The following SLC39A11 variants were observed in gnomAD, a reference collection of about 807,000 sequenced individuals.
The protein encoded by SLC39A11 is zinc transporter ZIP11.
SLC39A11 carries 33 observed loss-of-function variants against 36.1 expected under a neutral mutation model. The observed-to-expected ratio is 0.91, with a 90% CI of 0.69 to 1.22. SLC39A11 has a LOEUF of 1.22. Among genes scored for constraint, SLC39A11 ranks in the 50% most tolerant of loss-of-function variants. The pLI is 0.00. For synonymous variants in SLC39A11, 166 were observed against 170.3 expected, an observed-to-expected ratio of 0.97 and a Z score of 0.20; for missense variants, 432 against 430.3, an observed-to-expected ratio of 1.00 and a Z score of -0.03.
intron 4 of SLC39A11, among the ~76,000 whole-genome samples, chr17:72,997,003 C>T (rs1168490011): frequency 6.6e-6 from 1 of 152,116 alleles, no homozygotes; most frequent in Non-Finnish European, 1.5e-5. Flanking sequence ...TCCCCACGAC[C>T]ATCTGCAGTC....
At chr17:72,893,819 T>C (rs2081887715) in intron 5 of SLC39A11, among the ~76,000 whole-genome samples, 1 of 152,222 alleles carries the variant, frequency 6.6e-6, no homozygotes, top group Non-Finnish European at 1.5e-5. Context: ...ATAAGTCCCA[T>C]TGTTGGAGAG....
At chr17:72,868,617 AC>A (rs2080433109) in intron 5 of SLC39A11, among the ~76,000 whole-genome samples, 4 of 86,838 alleles carry the variant, frequency 4.6e-5, no homozygotes, top group African/African-American at 1.5e-4. Context: ...CCCTGTCTCT[AC>A]AAAAAAAAAA....
intron 6 of SLC39A11, among the ~76,000 whole-genome samples, chr17:72,844,024 A>C (rs761944396): frequency 6.6e-6 from 1 of 151,482 alleles, no homozygotes; most frequent in Non-Finnish European, 1.5e-5. Flanking sequence ...AAAGACAAAA[A>C]ACTTCAAAAA....
chr17:72,911,757 C>T (rs1351348666), intron 5 of SLC39A11, among the ~76,000 whole-genome samples: 1 of 152,196 alleles, frequency 6.6e-6, no homozygotes, highest in Non-Finnish European at 1.5e-5. Context: ...AATTCTACCA[C>T]CTCAGCCTCC....
At chr17:72,840,979 T>C (rs536453736) in intron 6 of SLC39A11, among the ~76,000 whole-genome samples, 8 of 152,124 alleles carry the variant, frequency 5.3e-5, no homozygotes, top group African/African-American at 1.9e-4. Context: ...GGTGTGAACC[T>C]GGGAGACGGA....
intron 7 of SLC39A11, among the ~76,000 whole-genome samples, chr17:72,657,623 A>C (rs1197020335): frequency 1.3e-5 from 2 of 152,168 alleles, no homozygotes; most frequent in Non-Finnish European, 2.9e-5. Context: ...CCAGGGACTG[A>C]GGGGTTTCCC....
intron 5 of SLC39A11, among the ~76,000 whole-genome samples, chr17:72,898,761 C>T (rs2082159476): frequency 6.6e-6 from 1 of 152,242 alleles, no homozygotes; most frequent in South Asian, 2.1e-4. Context: ...CACACACGTG[C>T]ACATACATAA....
intron 3 of SLC39A11, among the ~76,000 whole-genome samples, chr17:73,052,558 A>G (rs939981442): frequency 1.3e-5 from 2 of 152,214 alleles, no homozygotes; most frequent in African/African-American, 4.8e-5. Context: ...GAACTATTAA[A>G]GGCATATAAA....
At chr17:72,904,797 A>T (rs78094046) in intron 5 of SLC39A11, among the ~76,000 whole-genome samples, 1,979 of 152,320 alleles carry the variant, frequency 0.013, 56 homozygotes, top group African/African-American at 0.042. Flanking sequence ...GAAGGTGGGC[A>T]GGAGGGCATG....
At chr17:72,840,576 T>C (rs1233154143) in intron 6 of SLC39A11, among the ~76,000 whole-genome samples, 2 of 152,078 alleles carry the variant, frequency 1.3e-5, no homozygotes, top group African/African-American at 4.8e-5. Context: ...CTGGCCAACA[T>C]GGCAAAACCC....
At chr17:72,954,159 GTC>G (rs1172162438) in intron 4 of SLC39A11, among the ~76,000 whole-genome samples, 1 of 152,154 alleles carries the variant, frequency 6.6e-6, no homozygotes, top group Non-Finnish European at 1.5e-5. Context: ...TGATTCTCCT[GTC>G]TCAGCTTCCC....
intron 7 of SLC39A11, among the ~76,000 whole-genome samples, chr17:72,660,370 G>A (rs2070356186): frequency 6.6e-6 from 1 of 152,210 alleles, no homozygotes. Flanking sequence ...CATATTACAT[G>A]TAACAACATG....
intron 5 of SLC39A11, among the ~76,000 whole-genome samples, chr17:72,937,946 G>C (rs1332249309): frequency 6.6e-6 from 1 of 152,202 alleles, no homozygotes; most frequent in Non-Finnish European, 1.5e-5. Context: ...CTCATGGTGA[G>C]TTTGTGTAAT....
At chr17:72,750,116 G>A (rs139090537) in intron 6 of SLC39A11, among the ~76,000 whole-genome samples, 430 of 152,270 alleles carry the variant, frequency 2.8e-3, no homozygotes, top group Non-Finnish European at 4.5e-3. Context: ...GCAGGTGGGT[G>A]GCGCCCATTC....
At chr17:72,718,087 T>C (rs1342319357) in intron 7 of SLC39A11, among the ~76,000 whole-genome samples, 4 of 152,226 alleles carry the variant, frequency 2.6e-5, no homozygotes, top group African/African-American at 9.6e-5. Context: ...AATCTCTATC[T>C]GTCCCTCACT....
At chr17:72,809,206 TC>T (rs1259245871) in intron 6 of SLC39A11, among the ~76,000 whole-genome samples, 5 of 134,394 alleles carry the variant, frequency 3.7e-5, no homozygotes, top group African/African-American at 1.3e-4. Flanking sequence ...TCTTTCTCTC[TC>T]TCTCTCTCTC....
At chr17:72,904,944 C>T (rs2082574181) in intron 5 of SLC39A11, among the ~76,000 whole-genome samples, 1 of 151,858 alleles carries the variant, frequency 6.6e-6, no homozygotes, top group African/African-American at 2.4e-5. Context: ...GAGGCCGAGG[C>T]AGGCGGATCA....
intron 3 of SLC39A11, among the ~76,000 whole-genome samples, chr17:73,045,187 T>A (rs1463576478): frequency 6.6e-6 from 1 of 151,806 alleles, no homozygotes; most frequent in African/African-American, 2.4e-5. Flanking sequence ...AAACTCTAAG[T>A]ACCAGCAGTG....
chr17:73,036,137 T>C (rs1337637374), intron 3 of SLC39A11, among the ~76,000 whole-genome samples: 1 of 152,220 alleles, frequency 6.6e-6, no homozygotes, highest in Non-Finnish European at 1.5e-5. Context: ...CCTCCAGTAC[T>C]GTAAGATAAT....
Sources: gnomAD v4.1 joint callset for allele counts (sites outside exome capture counted in the v4.1 genomes callset) on GRCh38, gnomAD v4.1.1 for gene constraint, MANE v1.5 for transcripts, NCBI Gene and HGNC (gene_info 2026-07-23, HGNC 2026-07-21) for gene names.